Variants in DNAH10 observed in about 807,000 individuals in gnomAD.
The protein encoded by DNAH10 is dynein axonemal heavy chain 10.
A neutral mutation model predicts 506.6 loss-of-function variants in DNAH10; 348 were observed. The observed-to-expected ratio is 0.69, with a 90% CI of 0.63 to 0.75. The LOEUF is 0.75. DNAH10 is among the 30% of genes least tolerant of loss of function. The pLI, the probability that DNAH10 is intolerant of heterozygous loss-of-function variation, is 0.00. For missense variants in DNAH10, 5,179 were observed against 5,787.1 expected (o/e 0.89, Z 3.41); for synonymous variants, 2,059 against 2,198.6 (o/e 0.94, Z 1.78).
chr12:123,880,077 C>T (rs1035858073), intron 50 of DNAH10, among the ~76,000 whole-genome samples: 2 of 152,128 alleles, frequency 1.3e-5, no homozygotes, highest in African/African-American at 4.8e-5. Context: ...GTTTGGGAAC[C>T]ACTTGTTTGA....
Position 123,841,509 on chromosome 12 carries a change from A to G in DNAH10, c.5324A>G (p.Lys1775Arg). The change falls in exon 30 of 79, where the codon AAA (lysine) becomes AGA (arginine). Residue 1775 changes from lysine to arginine, a missense_variant. By Grantham distance (26) the Lys-to-Arg change is conservative. Coordinates refer to ENST00000673944, the MANE Select transcript of DNAH10 (RefSeq NM_001372106.1). The stretch of plus-strand genomic sequence containing the variant: ...AGAAGAACTAATAGACTAATTACCA[A>G]AGAGGCTATTTTTAGATACTGTGAA... ...EMRRTNRLIT[K>R]EAIFRYCEDR... 6 of 1,613,982 alleles carry G rather than the reference A, an allele frequency of 3.7e-6. No homozygotes were observed. Among genetic ancestry groups the G allele is most frequent in the Non-Finnish European group, 5.1e-6 (6 of 1,179,890 alleles).
chr12:123,885,619 A>G (rs1016704757), intron 51 of DNAH10, among the ~76,000 whole-genome samples: 1 of 152,106 alleles, frequency 6.6e-6, no homozygotes, highest in Admixed American at 6.5e-5. Context: ...GCCTCTTTGG[A>G]GTGGAAAGGA....
Position 123,873,618 on chromosome 12 carries a change from G to A in DNAH10, c.7846G>A (p.Glu2616Lys). The A allele has an allele frequency of 6.2e-7, 1 of 1,613,948 alleles. No homozygotes were observed. The change falls in exon 46 of 79, where the codon GAA becomes AAA. Residue 2616 changes from glutamate to lysine, a missense_variant. Around this residue, in one of 3 missense-constraint regions of DNAH10, gnomAD observed 4,844 missense variants for 5,430.5 expected, o/e 0.89. Coordinates refer to ENST00000673944, the MANE Select transcript of DNAH10 (RefSeq NM_001372106.1). ...GTCCATGGATATCCAAAGAAATTTA[G>A]AAGCAAATGTGGAAAAGCGAACCAA... ...TTSMDIQRNL[E>K]ANVEKRTKDT...
At position 123,919,127 on chromosome 12, in the gene DNAH10, A is replaced by G; in HGVS notation, c.11506+178A>G. On this transcript the variant is annotated intron_variant, in intron 65 of 78. Transcript: ENST00000673944. This position sits in a 1 kb window ranked among gnomAD's most constrained non-coding sequence, Gnocchi z 4.9. ...GTCTTGCTCCATCACCCAGGCTGGA[A>G]TGCAGTGGTGCGATCACGGCTCACT... 3.8e-6 allele frequency: 3 copies of G among 784,054 alleles called. No individual in the cohort carries two copies. The highest frequency in any genetic ancestry group is 5.7e-6 in the Non-Finnish European group (3 of 526,864). 48.6% of individuals were successfully genotyped at this position (784,054 alleles called of 1,614,324 possible). A position where few individuals can be genotyped will look rare whatever the true frequency, so the allele number is the denominator to read the frequency against.
intron 61 of DNAH10, 51 bp from the exon 62 acceptor site, chr12:123,914,801 G>A: frequency 6.3e-7 from 1 of 1,593,612 alleles, no homozygotes; most frequent in Non-Finnish European, 8.5e-7. Context: ...CTTAGCCCTT[G>A]GCTCACAAAT....
chr12:123,806,692 A>G (rs938953750), intron 18 of DNAH10, among the ~76,000 whole-genome samples: 1 of 150,972 alleles, frequency 6.6e-6, no homozygotes, highest in African/African-American at 2.4e-5. Flanking sequence ...CTCTGTTACT[A>G]CTTTTAATTT....
At chr12:123,894,397 C>T (rs1953127806) in intron 53 of DNAH10, among the ~76,000 whole-genome samples, 2 of 152,070 alleles carry the variant, frequency 1.3e-5, no homozygotes, top group Non-Finnish European at 2.9e-5. Flanking sequence ...GCTGGGATTA[C>T]AGGTGTGCAC....
Position 123,786,847 on chromosome 12 carries a change from T to C in DNAH10, c.1421+911T>C, listed in dbSNP as rs184842235. Among the ~76,000 whole-genome samples the C allele has an allele frequency of 1.1e-4, 17 of 152,196 alleles. No individual in the cohort carries two copies. The East Asian group carries it at 3.1e-3, about 28-fold the overall frequency. ...TTTTCACTTTCTTAAAAAATATCTA[T>C]ATAGATGAGGCCGGGTGCGGTGGCT... On this transcript the variant is annotated intron_variant, in intron 9 of 78. Transcript: ENST00000673944.
intron 51 of DNAH10, among the ~76,000 whole-genome samples, chr12:123,886,468 T>A (rs1451444450): frequency 7.5e-6 from 1 of 134,062 alleles, no homozygotes; most frequent in African/African-American, 2.7e-5. Flanking sequence ...CTGGTTGCGT[T>A]GCGCGCGCGC....
chr12:123,908,901 G>A (rs772172676), intron 57 of DNAH10, among the ~76,000 whole-genome samples: 2 of 152,062 alleles, frequency 1.3e-5, no homozygotes, highest in Non-Finnish European at 2.9e-5. Flanking sequence ...CAATAATGAC[G>A]GCAGCCACCA....
At chr12:123,918,209 C>A (rs1007635323) in intron 64 of DNAH10, among the ~76,000 whole-genome samples, 4 of 152,244 alleles carry the variant, frequency 2.6e-5, no homozygotes, top group African/African-American at 9.6e-5. Context: ...TGCCAGCTCC[C>A]CACATGGTCA....
chr12:123,906,558 G>T (rs892215338), intron 57 of DNAH10, among the ~76,000 whole-genome samples: 1 of 152,182 alleles, frequency 6.6e-6, no homozygotes, highest in African/African-American at 2.4e-5. Flanking sequence ...GTGGCTTTTG[G>T]ATATTGTGTC....
intron 26 of DNAH10, 37 bp from the exon 27 acceptor site, chr12:123,833,077 C>CT: frequency 6.6e-7 from 1 of 1,520,718 alleles, no homozygotes. Flanking sequence ...CCTTTCAGTT[C>CT]GTGTGCCTGA....
chr12:123,889,687 CTG>C (rs1298867661), intron 52 of DNAH10, among the ~76,000 whole-genome samples: 1 of 152,152 alleles, frequency 6.6e-6, no homozygotes, highest in African/African-American at 2.4e-5. Flanking sequence ...CTGAGAGATG[CTG>C]TGTGATCACA....
chr12:123,783,188 T>C lies in DNAH10; in HGVS notation c.923T>C (p.Ile308Thr), dbSNP rs780587059. 1.2e-6 allele frequency: 2 copies of C among 1,614,206 alleles called. No individual in the cohort carries two copies. Among genetic ancestry groups the C allele is most frequent in the Non-Finnish European group, 1.7e-6 (2 of 1,180,050 alleles). ...DLAADPETVDILEQCVINWLN... is the reference protein window; with the variant it reads ...DLAADPETVDTLEQCVINWLN... ...GCAGCTGACCCGGAAACCGTTGACA[T>C]CTTGGAGCAGTGTGTGATAAACTGG... The change falls in exon 7 of 79, where the codon ATC becomes ACC. Residue 308 changes from isoleucine (I) to threonine (T), a missense_variant. This residue lies in a region of DNAH10 where 4,844 missense variants were observed against 5,430.5 expected (regional missense o/e 0.89). Transcript: ENST00000673944.
rs551372805 is a variant in DNAH10 at position 123,850,612 on chromosome 12, C to G, written c.6103-276C>G. On this transcript the variant is annotated intron_variant, in intron 34 of 78. Coordinates refer to ENST00000673944, the MANE Select transcript of DNAH10 (RefSeq NM_001372106.1). The surrounding 1 kb of genome is among the most constrained non-coding windows in gnomAD (Gnocchi z 5.5). ...GGTCACACAGCTTCTTGTATCAGCC[C>G]CAGACTCTGTGCTTCGCCAACCTGG... Among the ~76,000 whole-genome samples the G allele has an allele frequency of 3.9e-5, 6 of 152,296 alleles. No individual in the cohort carries two copies. Among genetic ancestry groups the G allele is most frequent in the African/African-American group, 1.4e-4 (6 of 41,564 alleles).
At chr12:123,904,658 A>C (rs1953693230) in intron 57 of DNAH10, among the ~76,000 whole-genome samples, 1 of 152,212 alleles carries the variant, frequency 6.6e-6, no homozygotes, top group Admixed American at 6.5e-5. Flanking sequence ...ACATTCATAC[A>C]TGGCTCTGCC....
intron 77 of DNAH10, chr12:123,934,232 G>C (rs887605308): frequency 1.4e-6 from 1 of 701,388 alleles, no homozygotes; most frequent in Non-Finnish European, 2.6e-6. Flanking sequence ...CTGCTCCCCA[G>C]CCACTTCGGC....
chr12:123,762,515 G>T lies in DNAH10; in HGVS notation c.179G>T (p.Arg60Leu), dbSNP rs773700732. 3.9e-6 allele frequency: 6 copies of T among 1,553,096 alleles called. No homozygotes were observed. Among genetic ancestry groups the T allele is most frequent in the South Asian group, 2.4e-5 (2 of 83,266 alleles). Reference protein sequence around the residue: ...EEGPSALFIYRTMVPEEVEVE... With the variant: ...EEGPSALFIYLTMVPEEVEVE... ...GGGCCCTCGGCGCTCTTCATCTACC[G>T]CACTATGGTGCCGGAGGAGGTGGAG... The change falls in exon 1 of 79, where the codon CGC (arginine) becomes CTC (leucine). Residue 60 changes from arginine (R) to leucine (L), a missense_variant. Arg to Leu is a moderately radical substitution (Grantham distance 102). Around this residue, in one of 3 missense-constraint regions of DNAH10, gnomAD observed 326 missense variants for 330.8 expected, o/e 0.99. Transcript: ENST00000673944. The surrounding 1 kb of genome is among the most constrained non-coding windows in gnomAD (Gnocchi z 5.0).
Sources: gnomAD v4.1 joint callset for allele counts (sites outside exome capture counted in the v4.1 genomes callset) on GRCh38, gnomAD v4.1.1 for gene constraint, gnomAD v4.1.1 regional missense constraint, Gnocchi (gnomAD v3.1) non-coding constraint, MANE v1.5 for transcripts, NCBI Gene and HGNC (gene_info 2026-07-23, HGNC 2026-07-21) for gene names.